Variants in MID2 observed in about 807,000 individuals in gnomAD.
MID2 encodes probable E3 ubiquitin-protein ligase MID2.
MID2 carries 13 observed loss-of-function variants against 46.1 expected under a neutral mutation model. That is an observed-to-expected ratio of 0.28 (90% CI 0.18 to 0.45). The LOEUF is 0.45. MID2 is among the 20% of genes least tolerant of loss of function. MID2 has a pLI of 1.00. For synonymous variants in MID2, 199 were observed against 212.3 expected (o/e 0.94, Z 0.55); for missense variants, 431 against 575.4 (o/e 0.75, Z 2.57).
intron 3 of MID2, among the ~76,000 whole-genome samples, chrX:107,902,822 G>A (rs967986465): frequency 2.0e-4 from 22 of 111,317 alleles, no homozygotes; most frequent in Non-Finnish European, 3.0e-4. Context: ...CCCATTGTCT[G>A]TTCCTCAGCC....
chrX:107,861,177 AAGG>A (rs1177380424), intron 3 of MID2, among the ~76,000 whole-genome samples: 1 of 111,966 alleles, frequency 8.9e-6, no homozygotes, highest in African/African-American at 3.3e-5. Flanking sequence ...ATCTCAGAGG[AAGG>A]AGAGGCCTTC....
chrX:107,827,630 C>G (rs1930984743), intron 1 of MID2, among the ~76,000 whole-genome samples: 1 of 110,996 alleles, frequency 9.0e-6, no homozygotes, highest in South Asian at 3.8e-4. Flanking sequence ...CTAATCAGTT[C>G]TCTGGCAATA....
intron 3 of MID2, among the ~76,000 whole-genome samples, chrX:107,871,752 C>T (rs1447069750): frequency 4.5e-5 from 5 of 110,967 alleles, no homozygotes; most frequent in South Asian, 3.9e-4. Flanking sequence ...GAAGCAACAC[C>T]GTAAAGCCGT....
In MID2 at chrX:107,866,461, ACACACACACACACAC is replaced by A. The variant is rs1162606606; in HGVS notation, c.816+11758_816+11772del. On this transcript the variant is annotated intron_variant, in intron 3 of 9. Coordinates refer to ENST00000262843, the MANE Select transcript of MID2 (RefSeq NM_012216.4). ...CACACACACACACACACACACACACACACACACACACACACAACACTGACCTACAGTGAGTACTGC... is the reference window on the plus strand; with the variant it reads ...CACACACACACACACACACACACACAAACACTGACCTACAGTGAGTACTGC... Among the ~76,000 whole-genome samples, 7 of 102,808 alleles carry A rather than the reference ACACACACACACACAC, an allele frequency of 6.8e-5. No individual in the cohort carries two copies. In the East Asian group the frequency reaches 1.2e-3, roughly 17 times the overall value. The allele number at this position is 102,808 out of a possible 115,157, so 89.3% of individuals were successfully genotyped here. A position where few individuals can be genotyped will look rare whatever the true frequency, so the allele number is the denominator to read the frequency against.
chrX:107,856,128 A>G (rs992361394), intron 3 of MID2, among the ~76,000 whole-genome samples: 5 of 112,164 alleles, frequency 4.5e-5, no homozygotes, highest in Middle Eastern at 4.6e-3. Flanking sequence ...GATGCTGTGA[A>G]TGGTAACTTT....
At chrX:107,854,405 A>G (rs769237620) in intron 2 of MID2, among the ~76,000 whole-genome samples, 2 of 112,702 alleles carry the variant, frequency 1.8e-5, no homozygotes, top group African/African-American at 6.4e-5. Context: ...CATGAATGTC[A>G]TATTTTCCCC....
Position 107,826,076 on chromosome X carries a change from C to G in MID2, c.-351C>G. Reference sequence around the variant, plus strand: ...TGGAAGGGATTGCCTTTTTTTTCCTCTGCGGCGGCGGAAATGACAGTGTGG... The same window carrying G: ...TGGAAGGGATTGCCTTTTTTTTCCTGTGCGGCGGCGGAAATGACAGTGTGG... On this transcript the variant is annotated 5_prime_UTR_variant, in exon 1 of 10. Coordinates refer to ENST00000262843, the MANE Select transcript of MID2 (RefSeq NM_012216.4). The G allele has an allele frequency of 3.4e-6, 1 of 296,545 alleles. No individual in the cohort carries two copies. Among genetic ancestry groups the G allele is most frequent in the Non-Finnish European group, 5.9e-6 (1 of 169,694 alleles). The allele number at this position is 296,545 out of a possible 1,213,427, so 24.4% of individuals were successfully genotyped here. A position where few individuals can be genotyped will look rare whatever the true frequency, so the allele number is the denominator to read the frequency against.
chrX:107,917,188 C>A (rs1053200948), intron 6 of MID2, among the ~76,000 whole-genome samples: 1 of 111,217 alleles, frequency 9.0e-6, no homozygotes, highest in African/African-American at 3.3e-5. Flanking sequence ...AGTTGAAGAC[C>A]GTATGTTAAG....
At chrX:107,920,718 T>A (rs982858235) in intron 7 of MID2, among the ~76,000 whole-genome samples, 1 of 112,186 alleles carries the variant, frequency 8.9e-6, no homozygotes, top group Non-Finnish European at 1.9e-5. Context: ...ATATTTACCT[T>A]TTTAAATTTA....
chrX:107,891,054 T>G (rs1009118831), intron 3 of MID2, among the ~76,000 whole-genome samples: 3 of 110,342 alleles, frequency 2.7e-5, no homozygotes, highest in African/African-American at 9.8e-5. Context: ...CCTGACCCCT[T>G]GAGCTTCCTG....
At chrX:107,893,312 T>G (rs771199742) in intron 3 of MID2, among the ~76,000 whole-genome samples, 17 of 112,743 alleles carry the variant, frequency 1.5e-4, no homozygotes, top group Non-Finnish European at 2.6e-4. Flanking sequence ...ACTGCTAGAC[T>G]ATGAAACTAT....
rs185469167 is a variant in MID2, at chrX:107,880,507, G to A, written c.817-23451G>A. ...AAGTGGTTCTCTTGCATGCTGAGTC[G>A]CTTCTGGGTCGGAGCACATGAGTGA... is the stretch of plus-strand genomic sequence containing the variant. On this transcript the variant is annotated intron_variant, in intron 3 of 9. Transcript: ENST00000262843. Among the ~76,000 whole-genome samples, 330 of 111,205 alleles carry A rather than the reference G, an allele frequency of 3.0e-3. 1 individual carries two copies. The highest frequency in any genetic ancestry group is 0.01 in the African/African-American group (319 of 30,569).
intron 3 of MID2, among the ~76,000 whole-genome samples, chrX:107,893,489 A>T (rs1168791555): frequency 8.9e-6 from 1 of 112,792 alleles, no homozygotes; most frequent in African/African-American, 3.2e-5. Context: ...CCATTATGTT[A>T]ACTTTTTAGT....
chrX:107,851,420 A>G (rs982852900), intron 2 of MID2, among the ~76,000 whole-genome samples: 4 of 111,606 alleles, frequency 3.6e-5, no homozygotes, highest in African/African-American at 9.8e-5. Flanking sequence ...TGACAGTGAC[A>G]AATCCTTTCC....
At chrX:107,922,978 C>T (rs1483902715) in intron 7 of MID2, among the ~76,000 whole-genome samples, 1 of 111,839 alleles carries the variant, frequency 8.9e-6, no homozygotes, top group Non-Finnish European at 1.9e-5. Context: ...ATTGCTCCTA[C>T]CCTTTTAATC....
chrX:107,906,089 A>G (rs774148085), intron 5 of MID2, among the ~76,000 whole-genome samples: 5 of 111,848 alleles, frequency 4.5e-5, no homozygotes, highest in Non-Finnish European at 9.4e-5. Flanking sequence ...CTTCTTCCAG[A>G]GGAAAAACAA....
chrX:107,914,296 C>T (rs1474137010), intron 5 of MID2, among the ~76,000 whole-genome samples: 2 of 111,785 alleles, frequency 1.8e-5, no homozygotes, highest in African/African-American at 6.5e-5. Flanking sequence ...TTGGAGAGGC[C>T]AGAAAGAAAT....
In MID2 at chrX:107,927,415, G is replaced by GT. The variant is rs1455389702; in HGVS notation, c.*343dup. Among the ~76,000 whole-genome samples the GT allele has an allele frequency of 9.0e-6, 1 of 111,390 alleles. No individual in the cohort carries two copies. The highest frequency in any genetic ancestry group is 1.9e-5 in the Non-Finnish European group (1 of 53,020). On this transcript the variant is annotated 3_prime_UTR_variant, in exon 10 of 10. Transcript: ENST00000262843. Reference sequence around the variant, plus strand: ...AATTCTAGTTAAATAATGTGGAAAGGTGCCCTGAATAAGGAGCTAGCAAGC... The same window carrying GT: ...AATTCTAGTTAAATAATGTGGAAAGGTTGCCCTGAATAAGGAGCTAGCAAGC...
intron 9 of MID2, 39 bp from the exon 10 acceptor site, chrX:107,926,632 A>G (rs1257410390): frequency 1.3e-5 from 15 of 1,147,978 alleles, no homozygotes; most frequent in Non-Finnish European, 1.8e-5. Flanking sequence ...CAGATAATTC[A>G]TAAATGTTTA....
Sources: gnomAD v4.1 joint callset for allele counts (sites outside exome capture counted in the v4.1 genomes callset) on GRCh38, gnomAD v4.1.1 for gene constraint, MANE v1.5 for transcripts, NCBI Gene and HGNC (gene_info 2026-07-23, HGNC 2026-07-21) for gene names.